The following GABRA3 variants were observed in gnomAD, a reference collection of about 807,000 sequenced individuals.
GABRA3 encodes the protein gamma-aminobutyric acid type A receptor subunit alpha3.
A neutral mutation model predicts 30.1 loss-of-function variants in GABRA3; 10 were observed. The ratio of observed to expected loss-of-function variants is 0.33; its 90% CI spans 0.20 to 0.56. The LOEUF is 0.56. Among genes scored for constraint, GABRA3 ranks in the 20% least tolerant of loss-of-function variants. GABRA3 has a pLI of 0.89. For missense variants in GABRA3, 233 were observed against 392.0 expected, an observed-to-expected ratio of 0.59 and a Z score of 3.42; for synonymous variants, 151 against 146.8, an observed-to-expected ratio of 1.03 and a Z score of -0.21.
intron 3 of GABRA3, among the ~76,000 whole-genome samples, chrX:152,289,817 G>A (rs182991424): frequency 9.0e-4 from 100 of 111,203 alleles, no homozygotes; most frequent in African/African-American, 2.9e-3. Context: ...GTTTCCAGCT[G>A]CATCCATGTC....
chrX:152,175,672 A>C (rs1352183837), intron 9 of GABRA3, among the ~76,000 whole-genome samples: 1 of 112,099 alleles, frequency 8.9e-6, no homozygotes, highest in Non-Finnish European at 1.9e-5. Flanking sequence ...GAACAAAATA[A>C]GAAAGCAAGC....
chrX:152,369,391 C>T (rs769905753), intron 1 of GABRA3, among the ~76,000 whole-genome samples: 5 of 110,491 alleles, frequency 4.5e-5, no homozygotes, highest in Non-Finnish European at 9.4e-5. Context: ...ATATGATCTA[C>T]AAGGTCCTAC....
In GABRA3 at chrX:152,325,585, G is replaced by C. The variant is rs1439932223; in HGVS notation, c.262+19996C>G. 1.5e-4 allele frequency among the ~76,000 whole-genome samples: 17 copies of C among 111,904 alleles called. No homozygotes were observed. In the Admixed American group the frequency reaches 1.5e-3, roughly 10 times the overall value. On this transcript the variant is annotated intron_variant, in intron 3 of 9. Coordinates refer to ENST00000370314, the MANE Select transcript of GABRA3 (RefSeq NM_000808.4). ...CTGCTGGTGATACCCAGGCAAAGAG[G>C]GTCTGGAGTGGACCTCTAGCAAACT...
At chrX:152,437,396 T>C (rs1193644431) in intron 1 of GABRA3, among the ~76,000 whole-genome samples, 1 of 111,838 alleles carries the variant, frequency 8.9e-6, no homozygotes, top group African/African-American at 3.2e-5. Context: ...TCCATGGTCA[T>C]GAATAGGAAG....
At chrX:152,200,098 C>A (rs921146370) in intron 7 of GABRA3, among the ~76,000 whole-genome samples, 1 of 112,002 alleles carries the variant, frequency 8.9e-6, no homozygotes, top group Non-Finnish European at 1.9e-5. Context: ...CAGATCTTGT[C>A]TGTCTTCTGT....
chrX:152,194,440 C>T (rs1037116560), intron 8 of GABRA3, among the ~76,000 whole-genome samples: 1 of 111,228 alleles, frequency 9.0e-6, no homozygotes, highest in Non-Finnish European at 1.9e-5. Flanking sequence ...TTTAGGTCTG[C>T]ACAGATATAG....
chrX:152,265,276 A>T (rs1007961769), intron 4 of GABRA3, among the ~76,000 whole-genome samples: 1 of 111,860 alleles, frequency 8.9e-6, no homozygotes, highest in African/African-American at 3.2e-5. Context: ...CATTAAAAAA[A>T]TTTGAAATAA....
At chrX:152,387,617 GA>G (rs1203018866) in intron 1 of GABRA3, among the ~76,000 whole-genome samples, 1 of 111,504 alleles carries the variant, frequency 9.0e-6, no homozygotes, top group African/African-American at 3.3e-5. Context: ...CTAAAACACA[GA>G]AAAGTAAGTC....
Position 152,167,210 on chromosome X carries a change from G to T in GABRA3, c.*1018C>A, listed in dbSNP as rs183883309. The T allele has an allele frequency of 2.7e-4, 30 of 110,982 alleles. No individual in the cohort carries two copies. Among genetic ancestry groups the T allele is most frequent in the African/African-American group, 7.5e-4 (23 of 30,536 alleles). 9.1% of individuals were successfully genotyped at this position (110,982 alleles called of 1,213,427 possible). A position where few individuals can be genotyped will look rare whatever the true frequency, so the allele number is the denominator to read the frequency against. ...GTGGAGTGTATGGAAGGAAGAATTTGACTTTCATCTGCCAGTAGCCTTCTC... is the reference window on the plus strand; with the variant it reads ...GTGGAGTGTATGGAAGGAAGAATTTTACTTTCATCTGCCAGTAGCCTTCTC... On this transcript the variant is annotated 3_prime_UTR_variant, in exon 10 of 10. Transcript: ENST00000370314.
At chrX:152,295,527 T>C (rs1256734636) in intron 3 of GABRA3, among the ~76,000 whole-genome samples, 1 of 113,164 alleles carries the variant, frequency 8.8e-6, no homozygotes, top group Non-Finnish European at 1.9e-5. Flanking sequence ...AATCTCCTGC[T>C]CTGCCGTTTG....
intron 1 of GABRA3, among the ~76,000 whole-genome samples, chrX:152,368,550 T>A (rs976503204): frequency 9.0e-6 from 1 of 111,048 alleles, no homozygotes; most frequent in African/African-American, 3.3e-5. Context: ...TTAATGGACA[T>A]TTAAGTTGAT....
chrX:152,255,682 A>C, intron 5 of GABRA3, 96 bp downstream of exon 5: 1 of 724,494 alleles, frequency 1.4e-6, no homozygotes, highest in Non-Finnish European at 2.2e-6. Flanking sequence ...TAATCTATAC[A>C]CTTGAGGGAA....
chrX:152,182,518 A>G (rs867474479), intron 9 of GABRA3, among the ~76,000 whole-genome samples: 86 of 83,788 alleles, frequency 1.0e-3, no homozygotes, highest in African/African-American at 3.5e-3. Context: ...TCTATATAGT[A>G]TACACACTAT....
At chrX:152,440,918 C>T (rs1437577231) in intron 1 of GABRA3, among the ~76,000 whole-genome samples, 1 of 109,316 alleles carries the variant, frequency 9.1e-6, no homozygotes, top group East Asian at 2.8e-4. Flanking sequence ...ATGTATGTGA[C>T]AGGTTGATGG....
At chrX:152,207,170 G>T (rs2124365193) in intron 7 of GABRA3, among the ~76,000 whole-genome samples, 1 of 111,886 alleles carries the variant, frequency 8.9e-6, no homozygotes, top group Admixed American at 9.4e-5. Context: ...TATCACAAGA[G>T]GGAACAGTGT....
chrX:152,277,472 T>C (rs1381390625), intron 4 of GABRA3, among the ~76,000 whole-genome samples: 1 of 111,302 alleles, frequency 9.0e-6, no homozygotes, highest in Non-Finnish European at 1.9e-5. Flanking sequence ...TTGCACCATT[T>C]TCCCCCCTGA....
chrX:152,241,955 C>A, intron 5 of GABRA3, among the ~76,000 whole-genome samples: 1 of 111,751 alleles, frequency 8.9e-6, no homozygotes, highest in Non-Finnish European at 1.9e-5. Context: ...ATGCAGAAAT[C>A]ACCCGTCTTC....
chrX:152,401,268 A>G (rs777310808), intron 1 of GABRA3, among the ~76,000 whole-genome samples: 41 of 62,117 alleles, frequency 6.6e-4, no homozygotes, highest in Non-Finnish European at 1.1e-3. Flanking sequence ...TAATGTGTGT[A>G]TATATATATA....
intron 1 of GABRA3, among the ~76,000 whole-genome samples, chrX:152,385,361 G>A (rs1929271566): frequency 8.9e-6 from 1 of 111,780 alleles, no homozygotes; most frequent in Non-Finnish European, 1.9e-5. Flanking sequence ...ACAATCTGAA[G>A]GTCTATCTTA....
Sources: allele counts gnomAD v4.1 joint callset (sites outside exome capture counted in the v4.1 genomes callset), GRCh38; gene constraint gnomAD v4.1.1; transcripts MANE v1.5; gene names NCBI Gene and HGNC (gene_info 2026-07-23, HGNC 2026-07-21).